MIA2: variants seen among roughly 807,000 people sequenced by gnomAD.
MIA2 encodes the protein MIA SH3 domain ER export factor 2.
In MIA2, 127 loss-of-function variants were observed where a neutral mutation model predicts 167.8. That is an observed-to-expected ratio of 0.76 (90% confidence interval 0.66 to 0.88). The LOEUF is 0.88. MIA2 is among the 40% of genes least tolerant of loss of function. MIA2 has a pLI of 0.00. For synonymous variants in MIA2, 552 were observed against 541.9 expected, an observed-to-expected ratio of 1.02 and a Z score of -0.26; for missense variants, 1,690 against 1,624.7, an observed-to-expected ratio of 1.04 and a Z score of -0.69.
intron 1 of MIA2, among the ~76,000 whole-genome samples, chr14:39,235,121 T>C (rs2053671390): frequency 6.6e-6 from 1 of 151,940 alleles, no homozygotes; most frequent in African/African-American, 2.4e-5. Flanking sequence ...CTGCAACTTC[T>C]GCCTCCCAGG....
intron 23 of MIA2, chr14:39,370,630 G>A (rs913983488): frequency 5.8e-5 from 19 of 327,756 alleles, no homozygotes; most frequent in South Asian, 2.8e-5. Flanking sequence ...CTTCACCAGC[G>A]CCTCTCTGCT....
At chr14:39,308,993 T>G (rs756344601) in intron 18 of MIA2, among the ~76,000 whole-genome samples, 2 of 152,234 alleles carry the variant, frequency 1.3e-5, no homozygotes, top group African/African-American at 2.4e-5. Context: ...TAAATGGCAG[T>G]GTCCTTTACT....
chr14:39,368,689 GT>G (rs35332595), intron 23 of MIA2, among the ~76,000 whole-genome samples: 1,461 of 126,736 alleles, frequency 0.012, 27 homozygotes, highest in African/African-American at 0.039. Flanking sequence ...TCTTTTTTTT[GT>G]TTTTTTTTTT....
intron 3 of MIA2, among the ~76,000 whole-genome samples, chr14:39,245,081 C>CTTTTTTTTT (rs10683715): frequency 0.04 from 4,728 of 119,662 alleles, 422 homozygotes; most frequent in African/African-American, 0.14. Context: ...CCTAGCTAAC[C>CTTTTTTTTT]TTTTTTTTTT....
Position 39,299,962 on chromosome 14 carries a change from A to G in MIA2, c.2595A>G (p.Leu865=), listed in dbSNP as rs142504430. The G allele has an allele frequency of 1.8e-4, 295 of 1,602,324 alleles. No homozygotes were observed. The highest frequency in any genetic ancestry group is 2.4e-4 in the Non-Finnish European group (286 of 1,176,458). The change falls in exon 14 of 29, where the codon CTA becomes CTG. Residue 865 remains leucine (L), a synonymous_variant. Coordinates refer to ENST00000640607, the MANE Select transcript of MIA2 (RefSeq NM_001329214.4). ...CCAAAGTACATGCAGAACAAGTTCT[A>G]AATGATAAAGAAAGTCACATCAAGG... ...EDSKVHAEQV[L]NDKESHIKTL...
At chr14:39,322,797 G>A (rs1161273339) in intron 24 of MIA2, among the ~76,000 whole-genome samples, 1 of 152,058 alleles carries the variant, frequency 6.6e-6, no homozygotes, top group African/African-American at 2.4e-5. Flanking sequence ...CAAAGATATA[G>A]GGCCTTATTT....
At chr14:39,333,738 T>C (rs1055171109) in intron 25 of MIA2, among the ~76,000 whole-genome samples, 1 of 152,178 alleles carries the variant, frequency 6.6e-6, no homozygotes, top group Non-Finnish European at 1.5e-5. Flanking sequence ...CAGGCAGTTA[T>C]TTTTTTGCAT....
chr14:39,290,995 A>G (rs745593334), intron 9 of MIA2, 24 bp from the exon 10 acceptor site: 3 of 1,584,882 alleles, frequency 1.9e-6, no homozygotes, highest in Non-Finnish European at 2.6e-6. Context: ...TAGAGTTTTT[A>G]CTTGTGATGT....
At chr14:39,274,700 A>G (rs1371219230) in intron 6 of MIA2, among the ~76,000 whole-genome samples, 1 of 151,108 alleles carries the variant, frequency 6.6e-6, no homozygotes, top group Non-Finnish European at 1.5e-5. Flanking sequence ...TGCTGGGATT[A>G]CAGGCCTGAG....
intron 18 of MIA2, among the ~76,000 whole-genome samples, chr14:39,311,838 T>G (rs2064349287): frequency 2.0e-5 from 3 of 149,034 alleles, no homozygotes; most frequent in South Asian, 4.2e-4. Flanking sequence ...GTGTGTGTGT[T>G]TTTTTTTTTG....
In MIA2 at chr14:39,247,067, T is replaced by G. The variant is rs946610933; in HGVS notation, c.493T>G (p.Phe165Val). Residue 165 changes from phenylalanine (F) to valine (V), a missense_variant, in exon 4 of 29, where the codon TTT (phenylalanine) becomes GTT (valine). Coordinates refer to ENST00000640607, the MANE Select transcript of MIA2 (RefSeq NM_001329214.4). ...YESDFQIEPG[F>V]YATYESTLFE... ...AAGTGATTTTCAGATAGAACCTGGA[T>G]TTTATGCAACTTATGAAAGTACTTT... 1 of 1,606,710 alleles carries G rather than the reference T, an allele frequency of 6.2e-7. No homozygotes were observed. The highest frequency in any genetic ancestry group is 8.5e-7 in the Non-Finnish European group (1 of 1,178,258).
intron 25 of MIA2, among the ~76,000 whole-genome samples, chr14:39,328,605 T>C (rs7159584): frequency 0.93 from 141,559 of 152,264 alleles, 65,908 homozygotes; most frequent in African/African-American, 0.96. Context: ...TTAGTTCTTA[T>C]ATTTAAATCC....
At chr14:39,343,468 T>C (rs1366928136) in intron 25 of MIA2, among the ~76,000 whole-genome samples, 1 of 151,766 alleles carries the variant, frequency 6.6e-6, no homozygotes, top group Non-Finnish European at 1.5e-5. Flanking sequence ...TTAATAGATA[T>C]CTCCCCATCG....
At chr14:39,370,775 G>A (rs557177742) in intron 23 of MIA2, 1 of 154,168 alleles carries the variant, frequency 6.5e-6, no homozygotes, top group Non-Finnish European at 1.4e-5. Flanking sequence ...CAGTAGACTT[G>A]AAAATTTCAA....
At chr14:39,298,831 C>G (rs1197707104) in intron 13 of MIA2, among the ~76,000 whole-genome samples, 1 of 150,736 alleles carries the variant, frequency 6.6e-6, no homozygotes, top group African/African-American at 2.4e-5. Context: ...CACCTGTAAT[C>G]TCAGTGATTT....
intron 23 of MIA2, among the ~76,000 whole-genome samples, chr14:39,383,790 C>T (rs2075216372): frequency 6.6e-6 from 1 of 152,200 alleles, no homozygotes; most frequent in Non-Finnish European, 1.5e-5. Context: ...ACAGCATTCT[C>T]TTAAGCCAAC....
rs573093788 is a variant in MIA2 at position 39,371,369 on chromosome 14, CA to C, written c.2249-15509del. 1.4e-3 allele frequency among the ~76,000 whole-genome samples: 212 copies of C among 151,744 alleles called. 2 individuals carry two copies. The highest frequency in any genetic ancestry group is 4.8e-3 in the African/African-American group (199 of 41,362). ...ATATTCTTTGGAACCAGGTTGGTTGCAAAAAAAGACAAGACTTTTTTAGGGC... is the reference window on the plus strand; with the variant it reads ...ATATTCTTTGGAACCAGGTTGGTTGCAAAAAAGACAAGACTTTTTTAGGGC... On this transcript the variant is annotated intron_variant, in intron 23 of 23. Coordinates refer to the MIA2 transcript ENST00000341502.
intron 4 of MIA2, among the ~76,000 whole-genome samples, chr14:39,251,857 T>A (rs867107635): frequency 6.6e-6 from 1 of 152,192 alleles, no homozygotes; most frequent in Non-Finnish European, 1.5e-5. Context: ...CTACTCTTTA[T>A]TATTGTTTTT....
At chr14:39,329,884 A>AG (rs1171041866) in intron 25 of MIA2, among the ~76,000 whole-genome samples, 1 of 152,154 alleles carries the variant, frequency 6.6e-6, no homozygotes, top group East Asian at 1.9e-4. Flanking sequence ...TATTTTATTG[A>AG]GGATTTTTGC....
Sources: gnomAD v4.1 joint callset for allele counts (sites outside exome capture counted in the v4.1 genomes callset) on GRCh38, gnomAD v4.1.1 for gene constraint, MANE v1.5 for transcripts, NCBI Gene and HGNC (gene_info 2026-07-23, HGNC 2026-07-21) for gene names.